Variants in BLM observed in about 807,000 individuals in gnomAD.
BLM encodes recQ-like DNA helicase BLM.
A neutral mutation model predicts 135.3 loss-of-function variants in BLM; 95 were observed. That is an observed-to-expected ratio of 0.70 (90% CI 0.59 to 0.83). The LOEUF is 0.83. Ranked by LOEUF, BLM falls within the 40% of genes least tolerant of loss-of-function variation. BLM has a pLI of 0.00. For synonymous variants in BLM, 520 were observed against 589.2 expected, an observed-to-expected ratio of 0.88 and a Z score of 1.70; for missense variants, 1,518 against 1,663.9, an observed-to-expected ratio of 0.91 and a Z score of 1.53.
chr15:90,743,908 T>C (rs1895435070), intron 1 of BLM, among the ~76,000 whole-genome samples: 2 of 152,150 alleles, frequency 1.3e-5, no homozygotes, highest in Non-Finnish European at 2.9e-5. Flanking sequence ...AGCAGTGCAT[T>C]TTAAAAGCAG....
chr15:90,803,606 GC>G lies in BLM; in HGVS notation c.3445del (p.Leu1149Ter), dbSNP rs1555424298. ...RHNAERLFKK[L>X]ILDKILDEDL... The stretch of plus-strand genomic sequence containing the variant: ...ACAATGCCGAAAGACTTTTTAAAAA[GC>G]TGATACTTGACAAGATTTTGGATGA... On this transcript the variant is annotated frameshift_variant, in exon 18 of 22. Transcript: ENST00000355112. LOFTEE classifies it high-confidence loss of function. The G allele has an allele frequency of 6.2e-7, 1 of 1,614,032 alleles. No homozygotes were observed. The highest frequency in any genetic ancestry group is 1.7e-5 in the Admixed American group (1 of 60,010).
chr15:90,751,669 C>G (rs1053205315), intron 3 of BLM, 118 bp from the exon 4 acceptor site: 10 of 811,050 alleles, frequency 1.2e-5, no homozygotes, highest in Admixed American at 1.1e-4. Context: ...AGGATCCATA[C>G]AAAGTGGTGT....
At chr15:90,788,834 A>G (rs900818952) in intron 14 of BLM, among the ~76,000 whole-genome samples, 3 of 151,974 alleles carry the variant, frequency 2.0e-5, no homozygotes, top group South Asian at 2.1e-4. Flanking sequence ...TTAGCCTGGC[A>G]TGCTGGTGCA....
intron 13 of BLM, among the ~76,000 whole-genome samples, chr15:90,784,265 T>C (rs1896686083): frequency 6.6e-6 from 1 of 151,930 alleles, no homozygotes; most frequent in Admixed American, 6.6e-5. Context: ...CAAAGGTATT[T>C]CTAAGACTCT....
At chr15:90,813,879 C>T (rs947241185) in intron 21 of BLM, among the ~76,000 whole-genome samples, 2 of 152,182 alleles carry the variant, frequency 1.3e-5, no homozygotes, top group Non-Finnish European at 2.9e-5. Flanking sequence ...CCCACCCTAC[C>T]CTCAGAGTTT....
rs1484946014 is a variant in BLM, at chr15:90,760,783, G to A, written c.1410G>A (p.Leu470=). 6.2e-7 allele frequency: 1 copy of A among 1,613,852 alleles called. No homozygotes were observed. Among genetic ancestry groups the A allele is most frequent in the East Asian group, 2.2e-5 (1 of 44,900 alleles). ...SNSVSPGDCL[L]TTTLGKTGFS... is the part of the protein sequence containing the mutation. ...CTGTTTCTCCTGGGGACTGTTTACT[G>A]ACTACCACCCTAGGAAAGACAGGAT... Residue 470 remains leucine (L), a synonymous_variant, in exon 7 of 22, where the codon CTG becomes CTA. Transcript: ENST00000355112.
chr15:90,737,262 T>C (rs1895242880), intron 1 of BLM, among the ~76,000 whole-genome samples: 1 of 152,022 alleles, frequency 6.6e-6, no homozygotes, highest in Non-Finnish European at 1.5e-5. Context: ...AAATATATGA[T>C]GGTTTTTTCT....
rs191274304 is a variant in BLM at position 90,732,448 on chromosome 15, A to T, written c.-4-14941A>T. On this transcript the variant is annotated intron_variant, in intron 1 of 21. Transcript: ENST00000355112. ...CTGATCACCATGCAACAAAACTAGAAATTAAAAATGAAATTTATAAAAAAG... is the reference window on the plus strand; with the variant it reads ...CTGATCACCATGCAACAAAACTAGATATTAAAAATGAAATTTATAAAAAAG... Among the ~76,000 whole-genome samples the T allele has an allele frequency of 7.9e-4, 120 of 152,220 alleles. 1 individual carries two copies. Among genetic ancestry groups the T allele is most frequent in the Admixed American group, 1.4e-3 (22 of 15,290 alleles).
Position 90,809,232 on chromosome 15 carries a change from C to T in BLM, c.3847C>T (p.Gln1283Ter), listed in dbSNP as rs367543031. The T allele has an allele frequency of 5.6e-6, 9 of 1,614,182 alleles. No homozygotes were observed. The highest frequency in any genetic ancestry group is 6.8e-6 in the Non-Finnish European group (8 of 1,180,030). Residue 1283 changes from glutamine to a stop codon, truncating the protein, a stop_gained, in exon 20 of 22, where the codon CAG becomes TAG. Coordinates refer to ENST00000355112, the MANE Select transcript of BLM (RefSeq NM_000057.4). LOFTEE classifies it high-confidence loss of function. ...KYGAEVISVL[Q>*]KYSEWTSPAE... ...TGGTGCGGAAGTGATTTCAGTATTA[C>T]AGAAATACTCTGAATGGACATCGCC... is the stretch of plus-strand genomic sequence containing the variant.
intron 1 of BLM, among the ~76,000 whole-genome samples, chr15:90,726,417 C>T (rs79165516): frequency 4.6e-5 from 7 of 152,070 alleles, no homozygotes; most frequent in Admixed American, 3.9e-4. Context: ...TACAGGCATG[C>T]GCCACCATGC....
chr15:90,808,765 C>T (rs1158782277), intron 19 of BLM: 2 of 337,806 alleles, frequency 5.9e-6, no homozygotes, highest in African/African-American at 4.2e-5. Flanking sequence ...AGAAATGCAG[C>T]GTTCTCAGTA....
intron 1 of BLM, among the ~76,000 whole-genome samples, chr15:90,742,314 C>T (rs1441893002): frequency 3.3e-5 from 5 of 152,168 alleles, no homozygotes; most frequent in African/African-American, 4.8e-5. Context: ...CAGAGCGACG[C>T]TCTGTTTTTC....
chr15:90,757,073 G>A (rs746599486), intron 5 of BLM, among the ~76,000 whole-genome samples: 12 of 152,092 alleles, frequency 7.9e-5, no homozygotes, highest in Non-Finnish European at 1.5e-4. Flanking sequence ...ACATTAAGAC[G>A]GATGGTTTGT....
rs115132110 is a variant in BLM, at chr15:90,768,418, T to C, written c.2308-715T>C. On this transcript the variant is annotated intron_variant, in intron 10 of 21. Coordinates refer to ENST00000355112, the MANE Select transcript of BLM (RefSeq NM_000057.4). ...CCGGTCAAGATGTGAGTGCTACATG[T>C]GCTCGTTGCTACTGAGATGTCATTG... Among the ~76,000 whole-genome samples the C allele has an allele frequency of 3.1e-3, 473 of 152,362 alleles. 1 individual carries two copies. Among genetic ancestry groups the C allele is most frequent in the African/African-American group, 0.011 (455 of 41,590 alleles).
chr15:90,796,341 G>A (rs1157798021), intron 16 of BLM, among the ~76,000 whole-genome samples: 1 of 152,166 alleles, frequency 6.6e-6, no homozygotes, highest in African/African-American at 2.4e-5. Context: ...GAGAAGGGAC[G>A]GAAGAGAAAG....
chr15:90,765,548 A>G, intron 9 of BLM, 134 bp downstream of exon 9: 1 of 724,510 alleles, frequency 1.4e-6, no homozygotes, highest in East Asian at 2.7e-5. Flanking sequence ...GTTGAACAGA[A>G]GTCTGAAAAT....
chr15:90,767,011 C>T lies in BLM; in HGVS notation c.2295C>T (p.Val765=). ...KKDPIIKLLY[V]TPEKICASNR... is the part of the protein sequence containing the mutation. The stretch of plus-strand genomic sequence containing the variant: ...ACCCAATCATAAAACTTCTATATGT[C>T]ACTCCAGAAAAGGTTTGTATTTATA... The change falls in exon 10 of 22, where the codon GTC becomes GTT. Residue 765 remains valine (V), a synonymous_variant. Transcript: ENST00000355112. 6.5e-7 allele frequency: 1 copy of T among 1,546,278 alleles called. No homozygotes were observed. Among genetic ancestry groups the T allele is most frequent in the Non-Finnish European group, 8.9e-7 (1 of 1,121,052 alleles).
intron 14 of BLM, among the ~76,000 whole-genome samples, chr15:90,786,208 G>A (rs929173091): frequency 1.3e-5 from 2 of 151,816 alleles, no homozygotes. Context: ...GCCTGGTCTT[G>A]AACTCCTGGG....
intron 15 of BLM, among the ~76,000 whole-genome samples, chr15:90,791,447 A>G (rs1896903378): frequency 6.6e-6 from 1 of 152,150 alleles, no homozygotes; most frequent in Admixed American, 6.6e-5. Context: ...AGTCAACAGT[A>G]GGATGTAATT....
Sources: gnomAD v4.1 joint callset for allele counts (sites outside exome capture counted in the v4.1 genomes callset) on GRCh38, gnomAD v4.1.1 for gene constraint, MANE v1.5 for transcripts, NCBI Gene and HGNC (gene_info 2026-07-23, HGNC 2026-07-21) for gene names.